SLC19A2: variants seen among roughly 807,000 people sequenced by gnomAD.
The protein encoded by SLC19A2 is thiamine transporter 1.
SLC19A2 carries 27 observed loss-of-function variants against 44.7 expected under a neutral mutation model. The observed-to-expected ratio is 0.60, with a 90% CI of 0.45 to 0.83. The LOEUF is 0.83. Among genes scored for constraint, SLC19A2 ranks in the 40% least tolerant of loss-of-function variants. The pLI is 0.00. For missense variants in SLC19A2, 566 were observed against 613.7 expected (o/e 0.92, Z 0.82); for synonymous variants, 239 against 243.6 (o/e 0.98, Z 0.18).
intron 2 of SLC19A2, among the ~76,000 whole-genome samples, chr1:169,474,541 TA>T (rs377588519): frequency 2.6e-5 from 4 of 152,130 alleles, no homozygotes; most frequent in African/African-American, 9.7e-5. Context: ...AGACTCTCTT[TA>T]AAAATAACTC....
At chr1:169,466,032 TAA>T (rs1557887645) in intron 5 of SLC19A2, 55 bp from the exon 6 acceptor site, 1 of 1,600,328 alleles carries the variant, frequency 6.2e-7, no homozygotes, top group African/African-American at 1.3e-5. Flanking sequence ...GATTACTCTA[TAA>T]TAAAGTATAT....
chr1:169,474,560 C>T (rs896286146), intron 2 of SLC19A2, among the ~76,000 whole-genome samples: 2 of 152,150 alleles, frequency 1.3e-5, no homozygotes, highest in Non-Finnish European at 2.9e-5. Flanking sequence ...CTCACAAATA[C>T]TCTAAGGTAA....
chr1:169,470,031 C>T lies in SLC19A2; in HGVS notation c.963G>A (p.Glu321=), dbSNP rs201746611. The change falls in exon 3 of 6, where the codon GAG becomes GAA. Residue 321 remains glutamate (E), a synonymous_variant. Coordinates refer to ENST00000236137, the MANE Select transcript of SLC19A2 (RefSeq NM_006996.3). ...CAGCATAGCGAGAAGGCATCACTTT[C>T]TCCCACAGGCCCTGTGTGTAGTTCA... ...QVVNYTQGLW[E]KVMPSRYAAI... is the part of the protein sequence containing the mutation. 1 of 1,614,046 alleles carries T rather than the reference C, an allele frequency of 6.2e-7. No individual in the cohort carries two copies. Among genetic ancestry groups the T allele is most frequent in the East Asian group, 2.2e-5 (1 of 44,880 alleles).
Position 169,485,862 on chromosome 1 carries a change from C to T in SLC19A2, c.-96G>A. 7.4e-7 allele frequency: 1 copy of T among 1,355,884 alleles called. No homozygotes were observed. The highest frequency in any genetic ancestry group is 1.4e-5 in the South Asian group (1 of 70,248). 84.0% of individuals were successfully genotyped at this position (1,355,884 alleles called of 1,614,324 possible). ...AGGCACTTGTAACCGCGAGTGACGC[C>T]TTCTCCCTGTAAGGCCAGGACGTTC... On this transcript the variant is annotated 5_prime_UTR_variant, in exon 1 of 6. Coordinates refer to ENST00000236137, the MANE Select transcript of SLC19A2 (RefSeq NM_006996.3).
intron 1 of SLC19A2, among the ~76,000 whole-genome samples, chr1:169,481,728 T>C (rs1377013719): frequency 2.0e-5 from 3 of 152,238 alleles, no homozygotes; most frequent in Non-Finnish European, 2.9e-5. Context: ...AAGGTGCCTT[T>C]CACAACTCTT....
Position 169,463,940 on chromosome 1 carries a change from ATATT to A in SLC19A2, c.*1905_*1908del, listed in dbSNP as rs745730912. On this transcript the variant is annotated 3_prime_UTR_variant, in exon 6 of 6. Transcript: ENST00000236137. ...TTAAAAAGAGAAAATATACTGTAAA[ATATT>A]TATTTAATAAAAATAATTTTATAAT... 4.4e-4 allele frequency: 67 copies of A among 152,002 alleles called. 1 individual carries two copies. Among genetic ancestry groups the A allele is most frequent in the South Asian group, 1.7e-3 (8 of 4,830 alleles). 9.4% of individuals were successfully genotyped at this position (152,002 alleles called of 1,614,324 possible).
chr1:169,479,170 G>C (rs1658391974), intron 1 of SLC19A2, among the ~76,000 whole-genome samples: 1 of 152,146 alleles, frequency 6.6e-6, no homozygotes, highest in Admixed American at 6.5e-5. Context: ...TTATCCTACT[G>C]TTTCATTAAG....
Position 169,468,762 on chromosome 1 carries a change from A to T in SLC19A2, c.1105T>A (p.Phe369Ile). ...ACTGCAGCAGCAATCAGGAGAGAAA[A>T]GAGAGATAATGTCATTTCTCCCCAA... ...STWGEMTLSL[F>I]SLLIAAAVYI... is the part of the protein sequence containing the mutation. The change falls in exon 4 of 6, where the codon TTT becomes ATT. Residue 369 changes from phenylalanine to isoleucine, a missense_variant. By Grantham distance (21) the Phe-to-Ile change is conservative. Transcript: ENST00000236137. The T allele has an allele frequency of 6.2e-7, 1 of 1,613,764 alleles. No individual in the cohort carries two copies.
At chr1:169,468,914 TA>T in intron 3 of SLC19A2, 78 bp from the exon 4 acceptor site, 1 of 1,328,936 alleles carries the variant, frequency 7.5e-7, no homozygotes, top group Non-Finnish European at 1.1e-6. Flanking sequence ...CAGCTTAGAT[TA>T]TTAAATTTTA....
rs780140526 is a variant in SLC19A2 at position 169,470,027 on chromosome 1, C to T, written c.967G>A (p.Val323Met). ...ATAGCAGCATAGCGAGAAGGCATCA[C>T]TTTCTCCCACAGGCCCTGTGTGTAG... ...VNYTQGLWEK[V>M]MPSRYAAIYN... is the part of the protein sequence containing the mutation. Residue 323 changes from valine (V) to methionine (M), a missense_variant, in exon 3 of 6, where the codon GTG (valine) becomes ATG (methionine). By Grantham distance (21) the Val-to-Met change is conservative. Coordinates refer to ENST00000236137, the MANE Select transcript of SLC19A2 (RefSeq NM_006996.3). The T allele has an allele frequency of 6.2e-6, 10 of 1,613,938 alleles. 1 individual carries two copies. The Admixed American group carries it at 6.7e-5, about 11-fold the overall frequency.
intron 1 of SLC19A2, among the ~76,000 whole-genome samples, chr1:169,478,519 G>T (rs984063949): frequency 1.7e-4 from 21 of 125,042 alleles, no homozygotes; most frequent in African/African-American, 5.8e-4. Flanking sequence ...ACCACAACCA[G>T]CTAATTTTTT....
At position 169,485,481 on chromosome 1, in the gene SLC19A2, T is replaced by C. The variant is rs1445605780; in HGVS notation, c.204+82A>G. On this transcript the variant is annotated intron_variant, in intron 1 of 5. Coordinates refer to ENST00000236137, the MANE Select transcript of SLC19A2 (RefSeq NM_006996.3). ...TCTCTGCCGAGAATGGCTCGAGCGC[T>C]TTTCTCGGTCCTCTCTTCCTCCGCT... The C allele has an allele frequency of 6.1e-6, 9 of 1,467,642 alleles. No individual in the cohort carries two copies. The East Asian group carries it at 2.0e-4, about 32-fold the overall frequency. The allele number at this position is 1,467,642 out of a possible 1,614,324, so 90.9% of individuals were successfully genotyped here.
In SLC19A2 at chr1:169,464,351, C is replaced by T. The variant is rs1309620434; in HGVS notation, c.*1498G>A. 5 of 152,330 alleles carry T rather than the reference C, an allele frequency of 3.3e-5. No individual in the cohort carries two copies. Among genetic ancestry groups the T allele is most frequent in the Non-Finnish European group, 7.4e-5 (5 of 67,994 alleles). The allele number at this position is 152,330 out of a possible 1,614,324, so 9.4% of individuals were successfully genotyped here. ...TTGCTACTTTTATGATATCACTTCC[C>T]TTTCCCTTCCTTAGCTAGTGTTCTT... On this transcript the variant is annotated 3_prime_UTR_variant, in exon 6 of 6. Transcript: ENST00000236137.
intron 2 of SLC19A2, among the ~76,000 whole-genome samples, chr1:169,470,476 A>G (rs958495001): frequency 8.5e-5 from 13 of 152,230 alleles, no homozygotes; most frequent in Admixed American, 3.3e-4. Context: ...GCTTCAGCCA[A>G]TGGGAGTCTG....
intron 2 of SLC19A2, among the ~76,000 whole-genome samples, chr1:169,476,012 C>G (rs1403732293): frequency 1.3e-5 from 2 of 152,168 alleles, no homozygotes; most frequent in Non-Finnish European, 2.9e-5. Flanking sequence ...CTGAGGCCAC[C>G]TACAAAGCTG....
intron 1 of SLC19A2, among the ~76,000 whole-genome samples, chr1:169,482,792 AG>A (rs1658470795): frequency 3.3e-5 from 5 of 152,236 alleles, no homozygotes; most frequent in Non-Finnish European, 5.9e-5. Flanking sequence ...TAAGACTATT[AG>A]ATTAATATGA....
intron 2 of SLC19A2, among the ~76,000 whole-genome samples, chr1:169,471,759 T>C (rs1658190121): frequency 1.3e-5 from 2 of 151,520 alleles, no homozygotes; most frequent in Admixed American, 1.3e-4. Context: ...TTTCTCCTCT[T>C]ATATACAGTA....
intron 3 of SLC19A2, 68 bp from the exon 4 acceptor site, chr1:169,468,904 CAGCTT>C (rs1369531641): frequency 6.4e-6 from 9 of 1,410,778 alleles, no homozygotes; most frequent in Admixed American, 3.5e-5. Flanking sequence ...ATTAAAAACT[CAGCTT>C]AGATTATTAA....
At chr1:169,469,816 C>A in intron 3 of SLC19A2, 148 bp downstream of exon 3, 1 of 760,334 alleles carries the variant, frequency 1.3e-6, no homozygotes, top group Non-Finnish European at 2.3e-6. Context: ...TCTAAGTTGT[C>A]CTCCTAAATT....
Sources: gnomAD v4.1 joint callset for allele counts (sites outside exome capture counted in the v4.1 genomes callset) on GRCh38, gnomAD v4.1.1 for gene constraint, MANE v1.5 for transcripts, NCBI Gene and HGNC (gene_info 2026-07-23, HGNC 2026-07-21) for gene names.